NSD2: variants seen among roughly 807,000 people sequenced by gnomAD.
NSD2 encodes the protein histone-lysine N-methyltransferase NSD2.
In NSD2, 12 loss-of-function variants were observed where a neutral mutation model predicts 139.0. The observed-to-expected ratio is 0.09, with a 90% CI of 0.06 to 0.14. The LOEUF (loss-of-function observed/expected upper bound fraction) is 0.14, where lower values mean the gene tolerates loss of function less well. Among genes scored for constraint, NSD2 ranks in the 10% least tolerant of loss-of-function variants. NSD2 has a pLI of 1.00. For missense variants in NSD2, 1,155 were observed against 1,745.0 expected, an observed-to-expected ratio of 0.66 and a Z score of 6.02; for synonymous variants, 669 against 648.7, an observed-to-expected ratio of 1.03 and a Z score of -0.48.
intron 17 of NSD2, 21 bp from the exon 18 acceptor site, chr4:1,961,014 C>G (rs768257443): frequency 6.2e-7 from 1 of 1,602,430 alleles, no homozygotes; most frequent in African/African-American, 1.3e-5. Context: ...TTTGTCATGG[C>G]CACATGCTTG....
intron 1 of NSD2, among the ~76,000 whole-genome samples, chr4:1,883,386 C>G (rs2108681253): frequency 6.6e-6 from 1 of 151,936 alleles, no homozygotes; most frequent in South Asian, 2.1e-4. Context: ...AATCCCAGCA[C>G]TTTGGGAGGC....
At chr4:1,945,831 G>C (rs1017387935) in intron 9 of NSD2, 2 of 1,063,278 alleles carry the variant, frequency 1.9e-6, no homozygotes, top group East Asian at 1.0e-4. Flanking sequence ...AGAGGCTCCT[G>C]TCTGATAGCG....
At chr4:1,923,826 A>G (rs1477566757) in intron 5 of NSD2, among the ~76,000 whole-genome samples, 6 of 152,236 alleles carry the variant, frequency 3.9e-5, no homozygotes, top group Non-Finnish European at 8.8e-5. Context: ...CTACACATCA[A>G]TTAAAGTGAA....
intron 18 of NSD2, among the ~76,000 whole-genome samples, chr4:1,965,360 C>T (rs1213264362): frequency 2.0e-5 from 3 of 151,996 alleles, no homozygotes; most frequent in Non-Finnish European, 2.9e-5. Context: ...GAAAAGTGAA[C>T]GGATCATAAG....
At position 1,885,133 on chromosome 4, in the gene NSD2, A is replaced by T. The variant is rs959774495; in HGVS notation, c.-30+13591A>T. Among the ~76,000 whole-genome samples, 4 of 152,004 alleles carry T rather than the reference A, an allele frequency of 2.6e-5. No individual in the cohort carries two copies. The East Asian group carries it at 7.7e-4, about 29-fold the overall frequency. ...TTCAAAAAAAAAAAATAAAAATAAA[A>T]AAAATAAAATTCAACTGCCTGTAAC... On this transcript the variant is annotated intron_variant, in intron 1 of 21. Transcript: ENST00000508803.
Position 1,955,446 on chromosome 4 carries a change from G to C in NSD2, c.2518+106G>C. The C allele has an allele frequency of 7.1e-7, 1 of 1,405,502 alleles. No homozygotes were observed. Among genetic ancestry groups the C allele is most frequent in the Non-Finnish European group, 9.5e-7 (1 of 1,057,226 alleles). 87.1% of individuals were successfully genotyped at this position (1,405,502 alleles called of 1,614,324 possible). A position where few individuals can be genotyped will look rare whatever the true frequency, so the allele number is the denominator to read the frequency against. On this transcript the variant is annotated intron_variant, in intron 13 of 21. Transcript: ENST00000508803. The surrounding 1 kb of genome is among the most constrained non-coding windows in gnomAD (Gnocchi z 4.7). ...TGCGCTGTGTTCATTGATGTTGACA[G>C]TGTTCTGTGCGTCTTCACGTTAATA...
intron 6 of NSD2, 71 bp from the exon 7 acceptor site, chr4:1,935,073 G>C (rs1722230383): frequency 8.0e-7 from 1 of 1,248,924 alleles, no homozygotes; most frequent in Admixed American, 1.9e-5. Context: ...CCCTGGGTAG[G>C]TTCTCACAGT....
At chr4:1,925,778 T>TG (rs1365640395) in intron 5 of NSD2, among the ~76,000 whole-genome samples, 53 of 151,164 alleles carry the variant, frequency 3.5e-4, no homozygotes, top group African/African-American at 1.2e-3. Flanking sequence ...ATATATTTTT[T>TG]TTTGTTTGTT....
intron 1 of NSD2, among the ~76,000 whole-genome samples, chr4:1,874,963 A>G (rs1326638718): frequency 6.6e-6 from 1 of 152,112 alleles, no homozygotes; most frequent in African/African-American, 2.4e-5. Flanking sequence ...ATTGGTTGCA[A>G]TATTGCTCTT....
At chr4:1,922,800 C>T (rs1404691847) in intron 5 of NSD2, among the ~76,000 whole-genome samples, 1 of 152,188 alleles carries the variant, frequency 6.6e-6, no homozygotes, top group Non-Finnish European at 1.5e-5. Flanking sequence ...GTGGCAGGCG[C>T]CTGTAATCCC....
Position 1,976,660 on chromosome 4 carries a change from C to A in NSD2, c.3807C>A (p.Gly1269=), listed in dbSNP as rs1202969081. The A allele has an allele frequency of 1.9e-6, 3 of 1,590,440 alleles. No individual in the cohort carries two copies. The highest frequency in any genetic ancestry group is 1.9e-4 in the Middle Eastern group (1 of 5,396). The change falls in exon 21 of 22, where the codon GGC becomes GGA. Residue 1269 remains glycine, a synonymous_variant. Coordinates refer to ENST00000508803, the MANE Select transcript of NSD2 (RefSeq NM_001042424.3). The surrounding 1 kb of genome is among the most constrained non-coding windows in gnomAD (Gnocchi z 5.3). ...AGGCCTACCACCTGTCCTGCCTGGG[C>A]CTTGGCAAGCGGCCCTTCGGTGGGT... ...CTKAYHLSCL[G]LGKRPFGKWE... is the part of the protein sequence containing the mutation.
At chr4:1,928,086 T>TC (rs1016681183) in intron 5 of NSD2, among the ~76,000 whole-genome samples, 5 of 151,408 alleles carry the variant, frequency 3.3e-5, no homozygotes, top group African/African-American at 9.7e-5. Context: ...TTTTTTTTTT[T>TC]CAAACACGAT....
chr4:1,914,130 C>T (rs1228944453), intron 3 of NSD2, among the ~76,000 whole-genome samples: 2 of 152,152 alleles, frequency 1.3e-5, no homozygotes, highest in Non-Finnish European at 2.9e-5. Context: ...TCAAGTGATT[C>T]TCGTGCCTCA....
intron 1 of NSD2, among the ~76,000 whole-genome samples, chr4:1,877,968 G>T (rs1185904835): frequency 1.3e-5 from 2 of 152,034 alleles, no homozygotes; most frequent in African/African-American, 4.8e-5. Flanking sequence ...GTTTGAGGTT[G>T]CAGGGAACCA....
chr4:1,974,638 GCTCA>G lies in NSD2; in HGVS notation c.3373-222_3373-219del. On this transcript the variant is annotated intron_variant, in intron 18 of 21. Coordinates refer to ENST00000508803, the MANE Select transcript of NSD2 (RefSeq NM_001042424.3). This position sits in a 1 kb window ranked among gnomAD's most constrained non-coding sequence, Gnocchi z 4.0. ...AGCTCCCTGTCCTGTCCTCCCCGGC[GCTCA>G]CTAAGGCTCGGTCCTCTCCACGTGG... The G allele has an allele frequency of 2.8e-6, 2 of 711,748 alleles. No homozygotes were observed. Among genetic ancestry groups the G allele is most frequent in the East Asian group, 5.4e-5 (2 of 37,360 alleles). The allele number at this position is 711,748 out of a possible 1,614,324, so 44.1% of individuals were successfully genotyped here. A position where few individuals can be genotyped will look rare whatever the true frequency, so the allele number is the denominator to read the frequency against.
chr4:1,949,066 T>A (rs1391491614), intron 9 of NSD2, among the ~76,000 whole-genome samples: 1 of 152,186 alleles, frequency 6.6e-6, no homozygotes, highest in Non-Finnish European at 1.5e-5. Context: ...GGCCACTGCT[T>A]CCCCATGCCC....
chr4:1,935,124 T>C lies in NSD2; in HGVS notation c.1556-20T>C, dbSNP rs749296789. On this transcript the variant is annotated intron_variant, in intron 6 of 21. Transcript: ENST00000508803. ...TTTGGAGTGGTTTTCATGTACATTT[T>C]CCCCATTCCCCATTCCAAGGTAATG... The C allele has an allele frequency of 1.6e-5, 25 of 1,591,348 alleles. No homozygotes were observed. Among genetic ancestry groups the C allele is most frequent in the Non-Finnish European group, 2.1e-5 (25 of 1,164,414 alleles).
intron 1 of NSD2, among the ~76,000 whole-genome samples, chr4:1,878,027 A>C (rs2108668032): frequency 6.6e-6 from 1 of 151,886 alleles, no homozygotes; most frequent in East Asian, 1.9e-4. Flanking sequence ...ACTCTGTCCC[A>C]AAAGAAAAAT....
At chr4:1,882,432 A>G (rs1041764861) in intron 1 of NSD2, among the ~76,000 whole-genome samples, 2 of 152,184 alleles carry the variant, frequency 1.3e-5, no homozygotes, top group African/African-American at 4.8e-5. Context: ...TGGGAGGCCG[A>G]GGCGGGTGGA....
Sources: gnomAD v4.1 joint callset for allele counts (sites outside exome capture counted in the v4.1 genomes callset) on GRCh38, gnomAD v4.1.1 for gene constraint, Gnocchi (gnomAD v3.1) non-coding constraint, MANE v1.5 for transcripts, NCBI Gene and HGNC (gene_info 2026-07-23, HGNC 2026-07-21) for gene names.